Variants in HS6ST3 observed in about 807,000 individuals in gnomAD.
HS6ST3 encodes heparan-sulfate 6-O-sulfotransferase 3.
HS6ST3 carries 12 observed loss-of-function variants against 36.7 expected under a neutral mutation model. The observed-to-expected ratio is 0.33, with a 90% CI of 0.21 to 0.53. The LOEUF (loss-of-function observed/expected upper bound fraction) is 0.53, where lower values mean the gene tolerates loss of function less well. Ranked by LOEUF, HS6ST3 falls within the 20% of genes least tolerant of loss-of-function variation. The pLI, the probability that HS6ST3 is intolerant of heterozygous loss-of-function variation, is 0.95. For missense variants in HS6ST3, 584 were observed against 640.9 expected, an observed-to-expected ratio of 0.91 and a Z score of 0.96; for synonymous variants, 240 against 257.5, an observed-to-expected ratio of 0.93 and a Z score of 0.65.
chr13:96,790,816 A>G (rs182806551), intron 1 of HS6ST3, among the ~76,000 whole-genome samples: 1 of 152,208 alleles, frequency 6.6e-6, no homozygotes, highest in Admixed American at 6.5e-5. Flanking sequence ...TCAAATGCCC[A>G]GCCTTGATTC....
At chr13:96,290,174 C>T (rs1211042484) in intron 1 of HS6ST3, among the ~76,000 whole-genome samples, 1 of 152,010 alleles carries the variant, frequency 6.6e-6, no homozygotes, top group Non-Finnish European at 1.5e-5. Flanking sequence ...TGCCAGTTCC[C>T]ATGTTCCCCA....
intron 1 of HS6ST3, among the ~76,000 whole-genome samples, chr13:96,662,476 A>T (rs2056649547): frequency 2.1e-5 from 3 of 144,140 alleles, no homozygotes; most frequent in African/African-American, 2.6e-5. Flanking sequence ...TTTTTAATCG[A>T]TCTCTTCTTT....
At chr13:96,822,403 G>A (rs1878554669) in intron 1 of HS6ST3, among the ~76,000 whole-genome samples, 2 of 152,180 alleles carry the variant, frequency 1.3e-5, no homozygotes, top group Middle Eastern at 3.2e-3. Context: ...GGGAGGAACT[G>A]TACTCAGCAA....
chr13:96,685,612 GT>G (rs1022988819), intron 1 of HS6ST3, among the ~76,000 whole-genome samples: 4 of 152,012 alleles, frequency 2.6e-5, no homozygotes, highest in African/African-American at 9.7e-5. Flanking sequence ...ATGCAGTTAG[GT>G]GTGTAATGTG....
intron 1 of HS6ST3, among the ~76,000 whole-genome samples, chr13:96,467,810 A>G (rs2055821508): frequency 6.6e-6 from 1 of 152,166 alleles, no homozygotes; most frequent in African/African-American, 2.4e-5. Flanking sequence ...AAAGTCCTGT[A>G]ACTACTAGAT....
At chr13:96,127,747 T>G (rs1398667680) in intron 1 of HS6ST3, among the ~76,000 whole-genome samples, 1 of 152,218 alleles carries the variant, frequency 6.6e-6, no homozygotes, top group East Asian at 1.9e-4. Flanking sequence ...CTGCTCTTAT[T>G]CTAGGTACGG....
At chr13:96,280,945 G>A (rs552344129) in intron 1 of HS6ST3, among the ~76,000 whole-genome samples, 9 of 152,078 alleles carry the variant, frequency 5.9e-5, no homozygotes, top group East Asian at 3.9e-4. Context: ...CTGGTTTTTC[G>A]TATCCTGCTT....
At chr13:96,374,917 C>T (rs917822553) in intron 1 of HS6ST3, among the ~76,000 whole-genome samples, 1 of 152,092 alleles carries the variant, frequency 6.6e-6, no homozygotes, top group African/African-American at 2.4e-5. Context: ...TTTTACGTAT[C>T]AACTAAGTAA....
intron 1 of HS6ST3, among the ~76,000 whole-genome samples, chr13:96,595,169 C>A (rs970808575): frequency 6.6e-6 from 1 of 152,278 alleles, no homozygotes; most frequent in South Asian, 2.1e-4. Flanking sequence ...CCGCAGCCTC[C>A]TGAGTGGCTG....
At chr13:96,656,654 C>T (rs549968938) in intron 1 of HS6ST3, among the ~76,000 whole-genome samples, 21 of 152,130 alleles carry the variant, frequency 1.4e-4, no homozygotes, top group Non-Finnish European at 1.2e-4. Flanking sequence ...GGACAATGTG[C>T]GGCTCTGAGC....
chr13:96,249,785 T>C (rs1461308030), intron 1 of HS6ST3, among the ~76,000 whole-genome samples: 1 of 152,168 alleles, frequency 6.6e-6, no homozygotes. Context: ...GAAATTCTGA[T>C]GTATGCTACA....
rs567202860 is a variant in HS6ST3 at position 96,218,938 on chromosome 13, G to A, written c.707+127369G>A. Among the ~76,000 whole-genome samples the A allele has an allele frequency of 9.2e-5, 14 of 152,310 alleles. 1 individual carries two copies. The highest frequency in any genetic ancestry group is 3.1e-4 in the African/African-American group (13 of 41,564). On this transcript the variant is annotated intron_variant, in intron 1 of 1. Coordinates refer to ENST00000376705, the MANE Select transcript of HS6ST3 (RefSeq NM_153456.4). ...GAACCTAGAGTTGTAGCCTGTGGTG[G>A]AGTATCTGTTGAGTCTTTTTCTGCC... is the stretch of plus-strand genomic sequence containing the variant.
chr13:96,541,549 C>G (rs1172779089), intron 1 of HS6ST3, among the ~76,000 whole-genome samples: 1 of 152,126 alleles, frequency 6.6e-6, no homozygotes, highest in Non-Finnish European at 1.5e-5. Context: ...AGTTAACTAG[C>G]AAAATTGAAA....
intron 1 of HS6ST3, among the ~76,000 whole-genome samples, chr13:96,493,706 T>C (rs1013716376): frequency 6.6e-6 from 1 of 152,320 alleles, no homozygotes; most frequent in Non-Finnish European, 1.5e-5. Flanking sequence ...CAAAAAGCTA[T>C]GAAAAAAGGA....
chr13:96,099,942 G>GT (rs1379212973), intron 1 of HS6ST3, among the ~76,000 whole-genome samples: 1 of 152,170 alleles, frequency 6.6e-6, no homozygotes, highest in East Asian at 1.9e-4. Context: ...AAGACATGTG[G>GT]TAACTTAATG....
chr13:96,153,469 A>G (rs1049034511), intron 1 of HS6ST3, among the ~76,000 whole-genome samples: 4 of 152,124 alleles, frequency 2.6e-5, no homozygotes, highest in Non-Finnish European at 4.4e-5. Context: ...CCTCTGAGCC[A>G]GGGTTCTTTT....
chr13:96,491,467 A>G (rs2055945042), intron 1 of HS6ST3, among the ~76,000 whole-genome samples: 1 of 89,968 alleles, frequency 1.1e-5, no homozygotes, highest in Non-Finnish European at 2.5e-5. Context: ...TGTAGTACTA[A>G]TGTGCAAAAA....
At chr13:96,574,030 G>A in intron 1 of HS6ST3, 1 of 543,504 alleles carries the variant, frequency 1.8e-6, no homozygotes. Flanking sequence ...ACCCCTGTCT[G>A]CTCTTTGTGA....
At position 96,604,247 on chromosome 13, in the gene HS6ST3, A is replaced by T. The variant is rs1037940341; in HGVS notation, c.708-228243A>T. Among the ~76,000 whole-genome samples, 5 of 152,268 alleles carry T rather than the reference A, an allele frequency of 3.3e-5. No individual in the cohort carries two copies. The East Asian group carries it at 9.6e-4, about 29-fold the overall frequency. On this transcript the variant is annotated intron_variant, in intron 1 of 1. Transcript: ENST00000376705. ...GGGTTGGTATTCCATCTGCTCATTA[A>T]TTTTTTCACACTGTAGAATAATCCA...
Sources: allele counts gnomAD v4.1 joint callset (sites outside exome capture counted in the v4.1 genomes callset), GRCh38; gene constraint gnomAD v4.1.1; transcripts MANE v1.5; gene names NCBI Gene and HGNC (gene_info 2026-07-23, HGNC 2026-07-21).